The following GLI2 variants were observed in gnomAD, a reference collection of about 807,000 sequenced individuals.
GLI2 encodes transcription activator GLI2.
Under a neutral mutation model 78.9 loss-of-function variants are expected in GLI2, and 22 were observed. The observed-to-expected ratio is 0.28, with a 90% CI of 0.20 to 0.40. The LOEUF (loss-of-function observed/expected upper bound fraction) is 0.40, where lower values mean the gene tolerates loss of function less well. Among genes scored for constraint, GLI2 ranks in the 10% least tolerant of loss-of-function variants. GLI2 has a pLI of 1.00. For synonymous variants in GLI2, 974 were observed against 963.7 expected (o/e 1.01, Z -0.20); for missense variants, 2,097 against 2,213.2 (o/e 0.95, Z 1.05).
In GLI2 at chr2:120,990,434, C is replaced by T. The variant is rs757408573; in HGVS notation, c.4469C>T (p.Ala1490Val). 4.3e-6 allele frequency: 7 copies of T among 1,613,860 alleles called. No homozygotes were observed. Among genetic ancestry groups the T allele is most frequent in the African/African-American group, 2.7e-5 (2 of 74,860 alleles). ...ACTGTGGACTCCCAGCTCCTGGAGG[C>T]CCCCCAGATTGACTTCGATGCCATC... ...SSTVDSQLLE[A>V]PQIDFDAIMD... The change falls in exon 14 of 14, where the codon GCC becomes GTC. Residue 1490 changes from alanine to valine, a missense_variant. Transcript: ENST00000361492.
At chr2:120,925,446 T>G (rs1210452123) in intron 2 of GLI2, among the ~76,000 whole-genome samples, 2 of 152,256 alleles carry the variant, frequency 1.3e-5, no homozygotes, top group Admixed American at 6.5e-5. Flanking sequence ...AAAAAAAATG[T>G]GGTCTATCCA....
chr2:120,834,514 A>G (rs1217952162), intron 2 of GLI2, among the ~76,000 whole-genome samples: 3 of 152,158 alleles, frequency 2.0e-5, no homozygotes, highest in Admixed American at 1.3e-4. Context: ...TGGTTTGCAC[A>G]CAAAAAGGCT....
At chr2:120,859,603 C>T (rs1475844223) in intron 2 of GLI2, among the ~76,000 whole-genome samples, 1 of 151,940 alleles carries the variant, frequency 6.6e-6, no homozygotes, top group East Asian at 1.9e-4. Flanking sequence ...TACAGGAGCA[C>T]ACCACCGTAC....
intron 1 of GLI2, among the ~76,000 whole-genome samples, chr2:120,791,114 A>G (rs1304980593): frequency 6.6e-6 from 1 of 152,194 alleles, no homozygotes; most frequent in African/African-American, 2.4e-5. Context: ...GCACACATGC[A>G]TCTCTCATTG....
At chr2:120,918,812 G>A (rs1017642272) in intron 2 of GLI2, among the ~76,000 whole-genome samples, 3 of 152,206 alleles carry the variant, frequency 2.0e-5, no homozygotes, top group Non-Finnish European at 4.4e-5. Context: ...CTGAAGCTTG[G>A]AACACTCATT....
At position 120,789,696 on chromosome 2, in the gene GLI2, C is replaced by A. The variant is rs374016783; in HGVS notation, c.-30-7595C>A. On this transcript the variant is annotated intron_variant, in intron 1 of 13. Coordinates refer to ENST00000361492, the MANE Select transcript of GLI2 (RefSeq NM_001374353.1). ...AGCTGTGCTTTTATACCTTTTGACACCCCTATAATAATTCTGGAGCCTGGC... is the reference window on the plus strand; with the variant it reads ...AGCTGTGCTTTTATACCTTTTGACAACCCTATAATAATTCTGGAGCCTGGC... Among the ~76,000 whole-genome samples the A allele has an allele frequency of 9.2e-5, 14 of 152,354 alleles. No homozygotes were observed. The East Asian group carries it at 1.7e-3, about 19-fold the overall frequency.
At chr2:120,910,020 G>C (rs1052429050) in intron 2 of GLI2, among the ~76,000 whole-genome samples, 3 of 152,034 alleles carry the variant, frequency 2.0e-5, no homozygotes, top group African/African-American at 4.8e-5. Flanking sequence ...AGGCCCAGCT[G>C]GGGGTGGAGT....
chr2:120,810,872 G>C (rs189468982), intron 2 of GLI2, among the ~76,000 whole-genome samples: 1 of 152,168 alleles, frequency 6.6e-6, no homozygotes, highest in African/African-American at 2.4e-5. Flanking sequence ...TTGGCTTTCC[G>C]CTGGCCTGGC....
chr2:120,874,603 G>A (rs1479911279), intron 2 of GLI2, among the ~76,000 whole-genome samples: 1 of 152,196 alleles, frequency 6.6e-6, no homozygotes, highest in African/African-American at 2.4e-5. Flanking sequence ...TCCGTGACCT[G>A]TAGCATTTGT....
intron 2 of GLI2, among the ~76,000 whole-genome samples, chr2:120,803,418 A>G (rs1243435040): frequency 6.6e-6 from 1 of 152,190 alleles, no homozygotes; most frequent in African/African-American, 2.4e-5. Context: ...AACTATTGCT[A>G]TTCTTCCTAC....
intron 1 of GLI2, among the ~76,000 whole-genome samples, chr2:120,793,043 C>G (rs12476855): frequency 0.19 from 29,551 of 152,190 alleles, 3,243 homozygotes; most frequent in East Asian, 0.32. Context: ...TTCTTGCCAC[C>G]CCCTGCCTAG....
At chr2:120,859,452 CTTTTTTTTTT>C (rs57311162) in intron 2 of GLI2, among the ~76,000 whole-genome samples, 199 of 125,474 alleles carry the variant, frequency 1.6e-3, no homozygotes, top group African/African-American at 3.8e-3. Flanking sequence ...ATACTCCCTC[CTTTTTTTTTT>C]TTTTTTTTTT....
chr2:120,746,286 G>T (rs987044716), intron 1 of GLI2, among the ~76,000 whole-genome samples: 1 of 152,244 alleles, frequency 6.6e-6, no homozygotes, highest in Non-Finnish European at 1.5e-5. Flanking sequence ...CATGCTTACA[G>T]TGATTGTAGC....
chr2:120,787,305 C>T (rs994540342), intron 1 of GLI2, among the ~76,000 whole-genome samples: 1 of 152,190 alleles, frequency 6.6e-6, no homozygotes, highest in Non-Finnish European at 1.5e-5. Context: ...GCCATGACAG[C>T]GACTTGGACC....
At chr2:120,839,878 A>G (rs1035945909) in intron 2 of GLI2, among the ~76,000 whole-genome samples, 3 of 152,208 alleles carry the variant, frequency 2.0e-5, no homozygotes, top group Non-Finnish European at 2.9e-5. Context: ...ACAGAGTTTT[A>G]TTAATCCTTG....
At chr2:120,905,460 G>A (rs1031861063) in intron 2 of GLI2, among the ~76,000 whole-genome samples, 1 of 152,224 alleles carries the variant, frequency 6.6e-6, no homozygotes, top group Admixed American at 6.5e-5. Flanking sequence ...CCTGCAAGGA[G>A]GAAATGGAGA....
chr2:120,797,231 C>T lies in GLI2; in HGVS notation c.-30-60C>T, dbSNP rs140318449. On this transcript the variant is annotated intron_variant, in intron 1 of 13. Coordinates refer to ENST00000361492, the MANE Select transcript of GLI2 (RefSeq NM_001374353.1). Reference sequence around the variant, plus strand: ...AGCGAGCGGCGGTGTGAATCTGGGTCGGCGTTTCCCGGCTGGGTTTGGGCT... The same window carrying T: ...AGCGAGCGGCGGTGTGAATCTGGGTTGGCGTTTCCCGGCTGGGTTTGGGCT... The T allele has an allele frequency of 4.8e-4, 626 of 1,297,686 alleles. 1 individual carries two copies. The East Asian group carries it at 7.4e-3, about 15-fold the overall frequency. 80.4% of individuals were successfully genotyped at this position (1,297,686 alleles called of 1,614,324 possible).
At chr2:120,849,734 G>A (rs1338371800) in intron 2 of GLI2, among the ~76,000 whole-genome samples, 1 of 152,220 alleles carries the variant, frequency 6.6e-6, no homozygotes, top group East Asian at 1.9e-4. Flanking sequence ...AGGCTGCTAT[G>A]TGAAAGAGCA....
chr2:120,916,596 G>A (rs1307372399), intron 2 of GLI2, among the ~76,000 whole-genome samples: 1 of 152,244 alleles, frequency 6.6e-6, no homozygotes, highest in Non-Finnish European at 1.5e-5. Context: ...GCAGCGCCCC[G>A]GGGCACTCCC....
Sources: allele counts gnomAD v4.1 joint callset (sites outside exome capture counted in the v4.1 genomes callset), GRCh38; gene constraint gnomAD v4.1.1; transcripts MANE v1.5; gene names NCBI Gene and HGNC (gene_info 2026-07-23, HGNC 2026-07-21).